TMEM131: variants seen among roughly 807,000 people sequenced by gnomAD.
TMEM131 encodes transmembrane protein 131.
In TMEM131, 66 loss-of-function variants were observed where a neutral mutation model predicts 211.6. The observed-to-expected ratio is 0.31, with a 90% CI of 0.26 to 0.38. The LOEUF (loss-of-function observed/expected upper bound fraction) is 0.38. Ranked by LOEUF, TMEM131 falls within the 10% of genes least tolerant of loss-of-function variation. The probability of loss-of-function intolerance (pLI) is 1.00; values close to 1 mark genes in which losing one functional copy is unlikely to be tolerated. For synonymous variants in TMEM131, 844 were observed against 841.3 expected, an observed-to-expected ratio of 1.00 and a Z score of -0.06; for missense variants, 2,036 against 2,299.3, an observed-to-expected ratio of 0.89 and a Z score of 2.34.
chr2:97,907,517 G>T (rs569906415), intron 3 of TMEM131, among the ~76,000 whole-genome samples: 170 of 152,166 alleles, frequency 1.1e-3, no homozygotes, highest in African/African-American at 4.0e-3. Context: ...AAACATGAAG[G>T]CCTAGGAGGA....
At chr2:97,982,889 T>C (rs938106842) in intron 1 of TMEM131, among the ~76,000 whole-genome samples, 1 of 152,022 alleles carries the variant, frequency 6.6e-6, no homozygotes, top group African/African-American at 2.4e-5. Context: ...AGAAAAAGAT[T>C]CTCCCCTGAA....
intron 1 of TMEM131, among the ~76,000 whole-genome samples, chr2:97,993,720 T>C (rs895148347): frequency 3.3e-5 from 5 of 152,192 alleles, no homozygotes; most frequent in Non-Finnish European, 7.3e-5. Context: ...CCTCATCCAA[T>C]CCTTACACAC....
At chr2:97,857,089 G>A (rs940872926) in intron 5 of TMEM131, among the ~76,000 whole-genome samples, 3 of 152,172 alleles carry the variant, frequency 2.0e-5, no homozygotes, top group Non-Finnish European at 2.9e-5. Flanking sequence ...GGAGAGTCTA[G>A]TTCAGAAACG....
At chr2:97,847,835 G>C (rs1177969434) in intron 5 of TMEM131, among the ~76,000 whole-genome samples, 1 of 151,954 alleles carries the variant, frequency 6.6e-6, no homozygotes, top group Non-Finnish European at 1.5e-5. Context: ...TTAGAGTGAG[G>C]AATATATGGA....
intron 4 of TMEM131, among the ~76,000 whole-genome samples, chr2:97,887,541 C>T (rs970194577): frequency 1.3e-4 from 20 of 152,154 alleles, no homozygotes; most frequent in African/African-American, 4.8e-4. Context: ...GTCTCTCCTG[C>T]TTGGGGGAGG....
chr2:97,994,093 A>C (rs527332402), intron 1 of TMEM131, among the ~76,000 whole-genome samples: 1 of 152,162 alleles, frequency 6.6e-6, no homozygotes, highest in Non-Finnish European at 1.5e-5. Flanking sequence ...CCACCCAAAA[A>C]ATGTCCATTA....
intron 4 of TMEM131, among the ~76,000 whole-genome samples, chr2:97,880,498 G>A (rs908343502): frequency 4.5e-4 from 68 of 152,300 alleles, no homozygotes; most frequent in African/African-American, 1.6e-3. Flanking sequence ...GAGGATTAGA[G>A]CAGAACAGAC....
intron 2 of TMEM131, among the ~76,000 whole-genome samples, chr2:97,917,619 A>T (rs947923963): frequency 6.6e-6 from 1 of 152,192 alleles, no homozygotes; most frequent in Non-Finnish European, 1.5e-5. Flanking sequence ...GAAAACTAAC[A>T]ATCATGGCGG....
intron 2 of TMEM131, among the ~76,000 whole-genome samples, chr2:97,925,643 T>A (rs572792453): frequency 6.6e-6 from 1 of 152,226 alleles, no homozygotes; most frequent in South Asian, 2.1e-4. Flanking sequence ...TGGTACTTAC[T>A]GGACACTGAA....
intron 2 of TMEM131, among the ~76,000 whole-genome samples, chr2:97,926,112 C>CAA (rs879920203): frequency 6.8e-5 from 6 of 88,822 alleles, no homozygotes; most frequent in East Asian, 3.2e-4. Context: ...GACCCTGTCT[C>CAA]AAAAAAAAAA....
At chr2:97,768,525 A>G (rs569778695) in intron 33 of TMEM131, among the ~76,000 whole-genome samples, 1 of 152,388 alleles carries the variant, frequency 6.6e-6, no homozygotes, top group Non-Finnish European at 1.5e-5. Flanking sequence ...AAATTAAGCC[A>G]GATGATCTCT....
intron 3 of TMEM131, among the ~76,000 whole-genome samples, chr2:97,905,814 C>A (rs1431939253): frequency 6.6e-6 from 1 of 152,174 alleles, no homozygotes; most frequent in Non-Finnish European, 1.5e-5. Context: ...TGTAGAGGAA[C>A]AGGCATCACC....
At chr2:97,812,919 G>T (rs1392967719) in intron 15 of TMEM131, among the ~76,000 whole-genome samples, 170 bp from the exon 16 acceptor site, 1 of 151,860 alleles carries the variant, frequency 6.6e-6, no homozygotes, top group Non-Finnish European at 1.5e-5. Flanking sequence ...TCAGGCAGGA[G>T]AATCGCTTGA....
rs141122606 is a variant in TMEM131, at chr2:97,838,330, A to T, written c.724-1173T>A. 5.9e-5 allele frequency among the ~76,000 whole-genome samples: 9 copies of T among 151,954 alleles called. No homozygotes were observed. In the East Asian group the frequency reaches 1.8e-3, roughly 30 times the overall value. Reference sequence around the variant, plus strand: ...AATTAAATTTGGGGTGAAGTATGAGAATGGGTGGAAACGTTCACTTGTTTC... The same window carrying T: ...AATTAAATTTGGGGTGAAGTATGAGTATGGGTGGAAACGTTCACTTGTTTC... On this transcript the variant is annotated intron_variant, in intron 7 of 40. Transcript: ENST00000186436.
chr2:97,926,384 C>A (rs1056981143), intron 2 of TMEM131, among the ~76,000 whole-genome samples: 3 of 152,034 alleles, frequency 2.0e-5, no homozygotes, highest in African/African-American at 7.2e-5. Flanking sequence ...AAATTACAGT[C>A]AGAAAAAGAT....
chr2:97,952,068 A>T (rs1169198918), intron 1 of TMEM131, among the ~76,000 whole-genome samples: 2 of 152,000 alleles, frequency 1.3e-5, no homozygotes, highest in East Asian at 3.9e-4. Context: ...GAGGCAGGAG[A>T]ATCGCTTGAA....
intron 4 of TMEM131, among the ~76,000 whole-genome samples, chr2:97,885,829 T>A (rs900953996): frequency 6.6e-6 from 1 of 152,254 alleles, no homozygotes; most frequent in Admixed American, 6.5e-5. Flanking sequence ...ATTTCAAGAC[T>A]TGGGAAGTTT....
rs775635959 is a variant in TMEM131, at chr2:97,766,212, G to C, written c.4625C>G (p.Pro1542Arg). ...NRPPALAKFLPNSQELGNTSS... is the reference protein window; with the variant it reads ...NRPPALAKFLRNSQELGNTSS... ...GGTGTTGCCTAATTCTTGACTATTC[G>C]GGAGGAATTTTGCTAGGGCAGGTGG... Residue 1542 changes from proline to arginine, a missense_variant, in exon 35 of 41, where the codon CCG (proline) becomes CGG (arginine). Coordinates refer to ENST00000186436, the MANE Select transcript of TMEM131 (RefSeq NM_015348.2). 3.1e-6 allele frequency: 5 copies of C among 1,613,866 alleles called. No homozygotes were observed. The Admixed American group carries it at 5.0e-5, about 16-fold the overall frequency.
intron 22 of TMEM131, among the ~76,000 whole-genome samples, chr2:97,804,406 T>C (rs151188983): frequency 0.012 from 1,815 of 152,126 alleles, 40 homozygotes; most frequent in African/African-American, 0.041. Flanking sequence ...GGGTCACGCC[T>C]GTAATCTCAG....
Sources: gnomAD v4.1 joint callset for allele counts (sites outside exome capture counted in the v4.1 genomes callset) on GRCh38, gnomAD v4.1.1 for gene constraint, MANE v1.5 for transcripts, NCBI Gene and HGNC (gene_info 2026-07-23, HGNC 2026-07-21) for gene names.